Variants in RBFOX1 observed in about 807,000 individuals in gnomAD.
RBFOX1 encodes the protein RNA binding fox-1 homolog 1, also known as RNA binding protein fox-1 homolog 1.
In RBFOX1, 8 loss-of-function variants were observed where a neutral mutation model predicts 57.7. The ratio of observed to expected loss-of-function variants is 0.14; its 90% CI spans 0.08 to 0.25. The LOEUF is 0.25. Ranked by LOEUF, RBFOX1 falls within the 10% of genes least tolerant of loss-of-function variation. The pLI is 1.00. For synonymous variants in RBFOX1, 326 were observed against 222.4 expected, an observed-to-expected ratio of 1.47 and a Z score of -4.15; for missense variants, 611 against 548.5, an observed-to-expected ratio of 1.11 and a Z score of -1.14.
chr16:7,008,015 G>A (rs911193664), intron 3 of RBFOX1, among the ~76,000 whole-genome samples: 1 of 152,176 alleles, frequency 6.6e-6, no homozygotes, highest in Non-Finnish European at 1.5e-5. Flanking sequence ...GTTGGGCATT[G>A]TGTCTCTCAC....
At chr16:5,718,101 A>T (rs1000334065) in intron 3 of RBFOX1, among the ~76,000 whole-genome samples, 1 of 152,254 alleles carries the variant, frequency 6.6e-6, no homozygotes. Context: ...CGATGCACAC[A>T]TAGGGCAAGC....
intron 3 of RBFOX1, among the ~76,000 whole-genome samples, chr16:6,674,249 A>G (rs1047311016): frequency 2.0e-5 from 3 of 152,172 alleles, no homozygotes; most frequent in Non-Finnish European, 4.4e-5. Context: ...TGCAGATGTT[A>G]TCAAGTTAAA....
chr16:6,261,522 G>A (rs1001663702), intron 1 of RBFOX1, among the ~76,000 whole-genome samples: 1 of 152,308 alleles, frequency 6.6e-6, no homozygotes, highest in Admixed American at 6.5e-5. Context: ...GAAACAGGCT[G>A]CTGAGCCATT....
chr16:5,749,764 T>G (rs1374972988), intron 3 of RBFOX1, among the ~76,000 whole-genome samples: 4 of 150,930 alleles, frequency 2.7e-5, no homozygotes, highest in African/African-American at 4.9e-5. Context: ...GTTAGGCATT[T>G]ATCTAATCTT....
At chr16:7,145,239 C>G (rs2074704793) in intron 4 of RBFOX1, among the ~76,000 whole-genome samples, 1 of 152,128 alleles carries the variant, frequency 6.6e-6, no homozygotes, top group African/African-American at 2.4e-5. Context: ...GAGTCTTGCT[C>G]TGTTGCCCAG....
chr16:7,660,617 C>T (rs1380420114), intron 12 of RBFOX1, among the ~76,000 whole-genome samples: 1 of 152,180 alleles, frequency 6.6e-6, no homozygotes, highest in Admixed American at 6.5e-5. Flanking sequence ...AGTTTTGTCT[C>T]AAATGTAAAG....
chr16:6,328,253 T>C (rs1039905322), intron 2 of RBFOX1, among the ~76,000 whole-genome samples: 1 of 152,134 alleles, frequency 6.6e-6, no homozygotes. Flanking sequence ...ATAAGAATGA[T>C]GCAAGGAACT....
At chr16:7,337,244 G>A (rs2096806129) in intron 4 of RBFOX1, among the ~76,000 whole-genome samples, 1 of 152,268 alleles carries the variant, frequency 6.6e-6, no homozygotes, top group Non-Finnish European at 1.5e-5. Context: ...CTACCCTCTA[G>A]GTTGAGGTAT....
intron 3 of RBFOX1, among the ~76,000 whole-genome samples, chr16:6,775,382 C>G (rs1347260556): frequency 6.7e-6 from 1 of 149,308 alleles, no homozygotes; most frequent in African/African-American, 2.5e-5. Flanking sequence ...ACAGACACAC[C>G]CAACTGTTAA....
intron 1 of RBFOX1, among the ~76,000 whole-genome samples, chr16:6,117,335 C>G (rs898793162): frequency 6.6e-6 from 1 of 152,204 alleles, no homozygotes; most frequent in Admixed American, 6.5e-5. Context: ...GACAGCTTCA[C>G]CTTCGTTTCC....
At chr16:6,031,801 C>T (rs181788199) in intron 1 of RBFOX1, among the ~76,000 whole-genome samples, 1 of 152,342 alleles carries the variant, frequency 6.6e-6, no homozygotes, top group African/African-American at 2.4e-5. Flanking sequence ...CAGAGCATAG[C>T]TCTGTTTTGC....
At chr16:6,768,869 T>G in intron 3 of RBFOX1, among the ~76,000 whole-genome samples, 1 of 151,618 alleles carries the variant, frequency 6.6e-6, no homozygotes, top group Middle Eastern at 3.5e-3. Context: ...GCTGGGACTA[T>G]AGGCACCCAC....
intron 3 of RBFOX1, among the ~76,000 whole-genome samples, chr16:5,668,973 C>T (rs544743227): frequency 6.6e-6 from 1 of 152,266 alleles, no homozygotes; most frequent in South Asian, 2.1e-4. Context: ...TAGTAGTATT[C>T]ATGATACATT....
chr16:6,902,794 C>G lies in RBFOX1; in HGVS notation c.-15-149263C>G, dbSNP rs1267971444. On this transcript the variant is annotated intron_variant, in intron 3 of 15. Coordinates refer to ENST00000550418, the MANE Select transcript of RBFOX1 (RefSeq NM_018723.4). ...CCTTCAACTCATCATGTCATCAGAA[C>G]CAAATAAAGCTTTAACATTATCCAT... Among the ~76,000 whole-genome samples the G allele has an allele frequency of 2.0e-5, 3 of 152,152 alleles. 1 individual carries two copies. Among genetic ancestry groups the G allele is most frequent in the South Asian group, 2.1e-4 (1 of 4,824 alleles).
At chr16:7,171,693 T>C (rs138544964) in intron 4 of RBFOX1, among the ~76,000 whole-genome samples, 60 of 152,300 alleles carry the variant, frequency 3.9e-4, no homozygotes, top group East Asian at 3.9e-4. Flanking sequence ...AGTTATAGGG[T>C]AAGCAATGAG....
chr16:6,599,885 C>G (rs1046485130), intron 2 of RBFOX1, among the ~76,000 whole-genome samples: 1 of 152,180 alleles, frequency 6.6e-6, no homozygotes, highest in Non-Finnish European at 1.5e-5. Context: ...GAACAGCACC[C>G]TGCACATAGT....
chr16:6,611,128 C>A (rs1267675184), intron 2 of RBFOX1, among the ~76,000 whole-genome samples: 2 of 152,034 alleles, frequency 1.3e-5, no homozygotes, highest in South Asian at 4.2e-4. Context: ...ACAAAGTGGA[C>A]TGTAATAGTC....
chr16:7,096,556 C>A (rs556235159), intron 4 of RBFOX1, among the ~76,000 whole-genome samples: 27 of 152,208 alleles, frequency 1.8e-4, no homozygotes, highest in Middle Eastern at 3.4e-3. Flanking sequence ...TTACCTACCC[C>A]TGAACCCATC....
At chr16:6,762,572 A>C (rs1014857575) in intron 3 of RBFOX1, among the ~76,000 whole-genome samples, 1 of 152,190 alleles carries the variant, frequency 6.6e-6, no homozygotes, top group Non-Finnish European at 1.5e-5. Flanking sequence ...CTAGACTACT[A>C]TATTTAATTC....
Sources: gnomAD v4.1 joint callset for allele counts (sites outside exome capture counted in the v4.1 genomes callset) on GRCh38, gnomAD v4.1.1 for gene constraint, MANE v1.5 for transcripts, NCBI Gene and HGNC (gene_info 2026-07-23, HGNC 2026-07-21) for gene names.